The following SLC44A5 variants were observed in gnomAD, a reference collection of about 807,000 sequenced individuals.
SLC44A5 encodes choline transporter-like protein 5.
In SLC44A5, 57 loss-of-function variants were observed where a neutral mutation model predicts 101.8. The ratio of observed to expected loss-of-function variants is 0.56; its 90% CI spans 0.45 to 0.70. The LOEUF (loss-of-function observed/expected upper bound fraction) is 0.70. SLC44A5 is among the 30% of genes least tolerant of loss of function. SLC44A5 has a pLI of 0.00. For missense variants in SLC44A5, 737 were observed against 853.1 expected (o/e 0.86, Z 1.70); for synonymous variants, 281 against 290.9 (o/e 0.97, Z 0.35).
chr1:75,519,569 AATT>A (rs1328176123), intron 2 of SLC44A5, among the ~76,000 whole-genome samples: 1 of 152,200 alleles, frequency 6.6e-6, no homozygotes, highest in Non-Finnish European at 1.5e-5. Context: ...AAAAAAAAAA[AATT>A]ATTATTTGCA....
At chr1:75,716,783 G>A in the SLC44A5 span, among the ~76,000 whole-genome samples, 1 of 152,034 alleles carries the variant, frequency 6.6e-6, no homozygotes, top group Admixed American at 6.5e-5. Flanking sequence ...TGTAATCCTA[G>A]CACTTTAGGA....
chr1:75,372,801 G>A (rs1249809), intron 3 of SLC44A5, among the ~76,000 whole-genome samples: 78,622 of 152,028 alleles, frequency 0.52, 22,309 homozygotes, highest in East Asian at 0.94. Context: ...AATGACCACA[G>A]AAATATTTAA....
chr1:75,447,558 T>C (rs1459955371), intron 2 of SLC44A5, among the ~76,000 whole-genome samples: 2 of 152,036 alleles, frequency 1.3e-5, no homozygotes, highest in African/African-American at 2.4e-5. Flanking sequence ...GGAAAGAGGG[T>C]TTATTCTGAA....
chr1:75,299,705 AGTT>A (rs1654265966), intron 5 of SLC44A5, among the ~76,000 whole-genome samples: 1 of 152,018 alleles, frequency 6.6e-6, no homozygotes, highest in Non-Finnish European at 1.5e-5. Flanking sequence ...TCCCTTTGGT[AGTT>A]GTTTAAAAAA....
chr1:75,412,908 A>C (rs994485813), intron 2 of SLC44A5, among the ~76,000 whole-genome samples: 1 of 152,078 alleles, frequency 6.6e-6, no homozygotes, highest in Non-Finnish European at 1.5e-5. Flanking sequence ...GGATCACCCA[A>C]AGCAGATGAT....
intron 4 of SLC44A5, among the ~76,000 whole-genome samples, chr1:75,322,952 T>C (rs1656282682): frequency 6.6e-6 from 1 of 152,132 alleles, no homozygotes; most frequent in Non-Finnish European, 1.5e-5. Context: ...TTTTTTATTA[T>C]TATTATACTT....
intron 6 of SLC44A5, among the ~76,000 whole-genome samples, chr1:75,263,803 A>G (rs1267407531): frequency 6.6e-6 from 1 of 152,198 alleles, no homozygotes; most frequent in Non-Finnish European, 1.5e-5. Context: ...TGCAGCCATA[A>G]AAAAGGATGA....
At chr1:75,678,889 A>G in the SLC44A5 span, among the ~76,000 whole-genome samples, 37,958 of 152,044 alleles carry the variant, frequency 0.25, 5,070 homozygotes, top group Non-Finnish European at 0.3. Context: ...ATGTATAACT[A>G]GAATAATCAA....
At chr1:75,480,213 T>G (rs556201382) in intron 2 of SLC44A5, among the ~76,000 whole-genome samples, 1 of 152,314 alleles carries the variant, frequency 6.6e-6, no homozygotes, top group African/African-American at 2.4e-5. Context: ...TACTTCATGC[T>G]AAAAACTCTC....
At chr1:75,580,102 T>C (rs1041928019) in intron 1 of SLC44A5, among the ~76,000 whole-genome samples, 10 of 151,742 alleles carry the variant, frequency 6.6e-5, no homozygotes, top group African/African-American at 1.2e-4. Flanking sequence ...CAGCAGAGAG[T>C]CTTTCATTTA....
intron 4 of SLC44A5, among the ~76,000 whole-genome samples, chr1:75,302,870 A>G (rs1654606093): frequency 6.6e-6 from 1 of 152,190 alleles, no homozygotes; most frequent in Admixed American, 6.5e-5. Context: ...GAGATGATTC[A>G]CATGCTGGGT....
At chr1:75,684,005 A>G in the SLC44A5 span, among the ~76,000 whole-genome samples, 1 of 152,196 alleles carries the variant, frequency 6.6e-6, no homozygotes. Context: ...TTATAAAGGA[A>G]AGAGGTTTAA....
At chr1:75,331,478 C>G (rs1373623418) in intron 4 of SLC44A5, among the ~76,000 whole-genome samples, 1 of 152,158 alleles carries the variant, frequency 6.6e-6, no homozygotes, top group Non-Finnish European at 1.5e-5. Flanking sequence ...ACAAGTCTCT[C>G]TATTTCCACT....
the SLC44A5 span, among the ~76,000 whole-genome samples, chr1:75,697,907 A>G: frequency 0.035 from 5,279 of 152,278 alleles, 311 homozygotes; most frequent in African/African-American, 0.12. Flanking sequence ...CACCTGGAAA[A>G]TCGGGTCACT....
At chr1:75,685,598 G>C in the SLC44A5 span, among the ~76,000 whole-genome samples, 1 of 152,110 alleles carries the variant, frequency 6.6e-6, no homozygotes, top group African/African-American at 2.4e-5. Context: ...TCAGCATCTT[G>C]GTCAAAGCCA....
intron 7 of SLC44A5, among the ~76,000 whole-genome samples, chr1:75,244,772 G>A (rs1209186839): frequency 6.6e-6 from 1 of 152,040 alleles, no homozygotes; most frequent in Non-Finnish European, 1.5e-5. Context: ...CAGAATCAGA[G>A]GAGATACACT....
intron 3 of SLC44A5, among the ~76,000 whole-genome samples, chr1:75,393,513 G>T (rs938102021): frequency 1.3e-5 from 2 of 152,146 alleles, no homozygotes; most frequent in Non-Finnish European, 2.9e-5. Flanking sequence ...GAATCAAATT[G>T]GTAGGGGCAA....
chr1:75,289,204 A>C (rs975014041), intron 5 of SLC44A5, among the ~76,000 whole-genome samples: 4 of 152,180 alleles, frequency 2.6e-5, no homozygotes, highest in African/African-American at 9.7e-5. Context: ...AGAGAAATAA[A>C]ATACTTTTCA....
At chr1:75,620,307 C>A in the SLC44A5 span, among the ~76,000 whole-genome samples, 3 of 152,118 alleles carry the variant, frequency 2.0e-5, no homozygotes, top group South Asian at 2.1e-4. Flanking sequence ...GTGCATGTGT[C>A]TTTATAGTAG....
Sources: gnomAD v4.1 joint callset for allele counts (sites outside exome capture counted in the v4.1 genomes callset) on GRCh38, gnomAD v4.1.1 for gene constraint, MANE v1.5 for transcripts, NCBI Gene and HGNC (gene_info 2026-07-23, HGNC 2026-07-21) for gene names.